Variants in SNURF observed in about 807,000 individuals in gnomAD.
The protein encoded by SNURF is SNURF protein.
Under a neutral mutation model 11.6 loss-of-function variants are expected in SNURF, and 6 were observed. That is an observed-to-expected ratio of 0.52 (90% CI 0.28 to 1.02). The LOEUF is 1.02. SNURF is among the 50% of genes least tolerant of loss of function. The probability of loss-of-function intolerance (pLI) is 0.09; values close to 1 mark genes in which losing one functional copy is unlikely to be tolerated. For synonymous variants in SNURF, 29 were observed against 31.6 expected (o/e 0.92, Z 0.27); for missense variants, 84 against 88.4 (o/e 0.95, Z 0.20).
chr15:24,958,507 T>TTG (rs1468355392), intron 1 of SNURF, among the ~76,000 whole-genome samples: 1 of 139,108 alleles, frequency 7.2e-6, no homozygotes, highest in South Asian at 2.4e-4. Context: ...TTTTTTTTTT[T>TTG]TTTTTTTTTT....
intron 2 of SNURF, among the ~76,000 whole-genome samples, chr15:24,966,777 T>C (rs961241837): frequency 1.3e-5 from 2 of 152,112 alleles, no homozygotes; most frequent in Non-Finnish European, 2.9e-5. Flanking sequence ...TGAAAAACCA[T>C]AGAAAAAAGT....
intron 2 of SNURF, among the ~76,000 whole-genome samples, chr15:24,964,088 G>T (rs1229517687): frequency 1.4e-5 from 2 of 147,338 alleles, no homozygotes; most frequent in South Asian, 2.1e-4. Context: ...TATGGTGAGG[G>T]TAAAGATTTT....
downstream of SNURF, among the ~76,000 whole-genome samples, chr15:24,971,756 TGTA>T (rs1204899764): frequency 1.4e-4 from 22 of 152,200 alleles, no homozygotes; most frequent in Non-Finnish European, 8.8e-5. Context: ...GCTTTAGTGA[TGTA>T]GTGCTGATAA....
At chr15:24,963,084 G>T (rs1427351178) in intron 2 of SNURF, among the ~76,000 whole-genome samples, 2 of 152,080 alleles carry the variant, frequency 1.3e-5, no homozygotes, top group East Asian at 1.9e-4. Flanking sequence ...GTGTGTAGTG[G>T]GGAGAGAGGA....
At chr15:24,955,187 T>A in intron 1 of SNURF, 125 bp downstream of exon 1, 3 of 1,306,796 alleles carry the variant, frequency 2.3e-6, no homozygotes, top group Non-Finnish European at 3.2e-6. Context: ...TAAAGTCCTT[T>A]GTTCTGGAGA....
intron 2 of SNURF, among the ~76,000 whole-genome samples, chr15:24,963,860 C>T (rs2075229167): frequency 6.6e-6 from 1 of 151,780 alleles, no homozygotes; most frequent in Admixed American, 6.6e-5. Flanking sequence ...CATAGAGAGA[C>T]CTCCTCTCTA....
chr15:24,974,703 C>A, intron 3 of SNURF: 1 of 610,242 alleles, frequency 1.6e-6, no homozygotes, highest in Non-Finnish European at 2.9e-6. Flanking sequence ...TCACTGCAAC[C>A]CTGGGTTCAA....
intron 2 of SNURF, 68 bp from the exon 3 acceptor site, chr15:24,967,864 C>G: frequency 3.0e-5 from 31 of 1,034,030 alleles, no homozygotes; most frequent in South Asian, 3.8e-5. Context: ...ACCTAGTTTT[C>G]TTTCATATGG....
chr15:24,967,071 C>T (rs1347480069), intron 2 of SNURF: 1 of 152,200 alleles, frequency 6.6e-6, no homozygotes, highest in Non-Finnish European at 1.5e-5. Context: ...ACGGCCTAAA[C>T]ATCTCCCTGC....
Position 24,967,904 on chromosome 15 carries a change from A to G in SNURF, c.111-28A>G, listed in dbSNP as rs79932163. The G allele has an allele frequency of 1.4e-3, 2,259 of 1,578,162 alleles. 23 individuals carry two copies. The African/African-American group carries it at 0.026, about 18-fold the overall frequency. On this transcript the variant is annotated intron_variant, in intron 2 of 2. Transcript: ENST00000577949. Reference sequence around the variant, plus strand: ...CTATAAAGACAAATGTATTTTTATCATTTATATATATTGTGCTCTTGTTGT... The same window carrying G: ...CTATAAAGACAAATGTATTTTTATCGTTTATATATATTGTGCTCTTGTTGT...
intron 2 of SNURF, among the ~76,000 whole-genome samples, chr15:24,966,136 A>G (rs931110303): frequency 2.6e-5 from 4 of 152,150 alleles, no homozygotes; most frequent in Non-Finnish European, 5.9e-5. Context: ...CAATGCAGAC[A>G]CCAACTCCAA....
chr15:24,969,979 A>G (rs2076194030), downstream of SNURF, among the ~76,000 whole-genome samples: 1 of 152,240 alleles, frequency 6.6e-6, no homozygotes, highest in Non-Finnish European at 1.5e-5. Context: ...TTGCTATTTA[A>G]AAGAAAATAA....
intron 2 of SNURF, 121 bp from the exon 3 acceptor site, chr15:24,967,811 A>G (rs912639942): frequency 2.5e-4 from 109 of 431,334 alleles, no homozygotes; most frequent in Non-Finnish European, 3.6e-4. Flanking sequence ...CTGTCTGGAA[A>G]AAAAAAAAAA....
At chr15:24,959,915 GT>G (rs1189179366) in intron 1 of SNURF, among the ~76,000 whole-genome samples, 2 of 152,258 alleles carry the variant, frequency 1.3e-5, no homozygotes, top group Middle Eastern at 3.4e-3. Context: ...TTGAAATTTT[GT>G]CTTTTTGGAA....
intron 3 of SNURF, chr15:24,975,220 G>A (rs2076932126): frequency 8.8e-6 from 6 of 685,176 alleles, no homozygotes; most frequent in African/African-American, 5.4e-5. Context: ...ATGGAAGAAT[G>A]TTGGTGAAAA....
chr15:24,977,692 A>G, intron 6 of SNURF: 2 of 1,294,498 alleles, frequency 1.5e-6, no homozygotes, highest in South Asian at 3.2e-5. Flanking sequence ...TTTGTAACTA[A>G]TTGGTCATTT....
downstream of SNURF, among the ~76,000 whole-genome samples, chr15:24,969,788 C>A (rs1183311327): frequency 6.6e-6 from 1 of 152,116 alleles, no homozygotes; most frequent in African/African-American, 2.4e-5. Context: ...TACTAGTATT[C>A]CTGTAGAAGA....
intron 5 of SNURF, chr15:24,976,754 G>T: frequency 1.2e-6 from 1 of 846,156 alleles, no homozygotes; most frequent in South Asian, 1.6e-5. Context: ...TGTTCATTTG[G>T]ACACAGAACT....
At chr15:24,955,791 G>T (rs1380016176) in intron 1 of SNURF, among the ~76,000 whole-genome samples, 1 of 151,644 alleles carries the variant, frequency 6.6e-6, no homozygotes, top group Non-Finnish European at 1.5e-5. Flanking sequence ...TTGGCAGCGG[G>T]TAGGCATGGC....
Sources: allele counts gnomAD v4.1 joint callset (sites outside exome capture counted in the v4.1 genomes callset), GRCh38; gene constraint gnomAD v4.1.1; transcripts MANE v1.5; gene names NCBI Gene and HGNC (gene_info 2026-07-23, HGNC 2026-07-21).